PIP5K1C: variants seen among roughly 807,000 people sequenced by gnomAD.
The protein encoded by PIP5K1C is phosphatidylinositol 4-phosphate 5-kinase type-1 gamma.
PIP5K1C carries 45 observed loss-of-function variants against 80.1 expected under a neutral mutation model. That is an observed-to-expected ratio of 0.56 (90% CI 0.44 to 0.72). The LOEUF is 0.72. PIP5K1C is among the 30% of genes least tolerant of loss of function. The pLI is 0.00. For synonymous variants in PIP5K1C, 498 were observed against 420.1 expected (o/e 1.19, Z -2.27); for missense variants, 753 against 954.6 (o/e 0.79, Z 2.78).
chr19:3,640,280 G>A (rs1185847391), intron 15 of PIP5K1C, among the ~76,000 whole-genome samples: 7 of 152,186 alleles, frequency 4.6e-5, no homozygotes, highest in East Asian at 1.9e-4. Context: ...GTGGGAGGCC[G>A]AGGCGGGAGG....
At chr19:3,700,040 G>T (rs1600109836) in intron 1 of PIP5K1C, among the ~76,000 whole-genome samples, 1 of 152,138 alleles carries the variant, frequency 6.6e-6, no homozygotes, top group African/African-American at 2.4e-5. Context: ...GCAGAACGGG[G>T]ATCCCCAGCG....
At chr19:3,689,541 T>C (rs373768485) in intron 1 of PIP5K1C, among the ~76,000 whole-genome samples, 1 of 151,934 alleles carries the variant, frequency 6.6e-6, no homozygotes, top group Non-Finnish European at 1.5e-5. Flanking sequence ...CCCAGCTACT[T>C]GGGAGGCTGA....
Position 3,692,221 on chromosome 19 carries a change from C to T in PIP5K1C, c.94+8076G>A, listed in dbSNP as rs550275635. ...GCTGGGCAACCGAACCCAATCATCT[C>T]AGCTGTCCTCCTGCCAACAGCACAA... On this transcript the variant is annotated intron_variant, in intron 1 of 17. Coordinates refer to ENST00000335312, the MANE Select transcript of PIP5K1C (RefSeq NM_012398.3). The surrounding 1 kb of genome is among the most constrained non-coding windows in gnomAD (Gnocchi z 5.2). 6.0e-4 allele frequency among the ~76,000 whole-genome samples: 91 copies of T among 152,288 alleles called. 1 individual carries two copies. The highest frequency in any genetic ancestry group is 2.1e-3 in the African/African-American group (88 of 41,552).
chr19:3,691,460 T>C (rs1292831963), intron 1 of PIP5K1C, among the ~76,000 whole-genome samples: 1 of 152,024 alleles, frequency 6.6e-6, no homozygotes, highest in African/African-American at 2.4e-5. Context: ...GATCAAACTC[T>C]CACGCGCCAC....
rs913280677 is a variant in PIP5K1C at position 3,638,885 on chromosome 19, A to G, written c.1919T>C (p.Phe640Ser). Reference sequence around the variant, plus strand: ...GCAGGAGGAGCCCGGGGCACTTACAAAGTAGATGTCGGTGGCGGGCGCGTC... The same window carrying G: ...GCAGGAGGAGCCCGGGGCACTTACAGAGTAGATGTCGGTGGCGGGCGCGTC... ...EEDAPATDIY[F>S]PTDERSWVYS... is the part of the protein sequence containing the mutation. Residue 640 changes from phenylalanine (F) to serine (S), a missense_variant and splice_region_variant, in exon 16 of 18, where the codon TTT (phenylalanine) becomes TCT (serine). By Grantham distance (155) the Phe-to-Ser change is radical (BLOSUM62 -2). Transcript: ENST00000335312. 3 of 1,613,128 alleles carry G rather than the reference A, an allele frequency of 1.9e-6. No individual in the cohort carries two copies. Among genetic ancestry groups the G allele is most frequent in the Non-Finnish European group, 2.5e-6 (3 of 1,179,914 alleles).
intron 6 of PIP5K1C, 129 bp from the exon 7 acceptor site, chr19:3,653,718 C>T: frequency 1.2e-6 from 1 of 842,124 alleles, no homozygotes; most frequent in Non-Finnish European, 1.8e-6. Context: ...CCCAGAAGCC[C>T]TCGGGGACCC....
rs548208967 is a variant in PIP5K1C at position 3,656,340 on chromosome 19, C to G, written c.621+65G>C. On this transcript the variant is annotated intron_variant, in intron 6 of 17. Coordinates refer to ENST00000335312, the MANE Select transcript of PIP5K1C (RefSeq NM_012398.3). ...CTTGCCCAAGCCTTGCAGACATCTGCTCCCGCCAGCCGGGAGAAGGGGGTT... is the reference window on the plus strand; with the variant it reads ...CTTGCCCAAGCCTTGCAGACATCTGGTCCCGCCAGCCGGGAGAAGGGGGTT... 1,453 of 1,589,764 alleles carry G rather than the reference C, an allele frequency of 9.1e-4. 3 individuals are homozygous for G. The highest frequency in any genetic ancestry group is 1.1e-3 in the Non-Finnish European group (1,323 of 1,161,114).
chr19:3,663,021 C>T (rs931082959), intron 3 of PIP5K1C, among the ~76,000 whole-genome samples: 4 of 151,798 alleles, frequency 2.6e-5, no homozygotes, highest in East Asian at 1.9e-4. Context: ...CCAGCACACC[C>T]GGCTAATTAT....
Position 3,661,923 on chromosome 19 carries a change from G to A in PIP5K1C, c.298C>T (p.Arg100Cys). 1 of 1,612,750 alleles carries A rather than the reference G, an allele frequency of 6.2e-7. No homozygotes were observed. Among genetic ancestry groups the A allele is most frequent in the Non-Finnish European group, 8.5e-7 (1 of 1,179,918 alleles). ...TVGHLSSKPERDVLMQDFYVV... is the reference protein window; with the variant it reads ...TVGHLSSKPECDVLMQDFYVV... The stretch of plus-strand genomic sequence containing the variant: ...TAGAAGTCCTGCATGAGCACGTCGC[G>A]TTCGGGCTTGGAGCTCAGGTGGCCC... The change falls in exon 4 of 18, where the codon CGC (arginine) becomes TGC (cysteine). Residue 100 changes from arginine (R) to cysteine (C), a missense_variant. Coordinates refer to ENST00000335312, the MANE Select transcript of PIP5K1C (RefSeq NM_012398.3).
At chr19:3,652,175 G>T (rs937225013) in intron 7 of PIP5K1C, 144 bp from the exon 8 acceptor site, 1 of 687,668 alleles carries the variant, frequency 1.5e-6, no homozygotes, top group Non-Finnish European at 2.5e-6. Context: ...GCAGGAGTGG[G>T]GGTTCTAGTG....
At chr19:3,679,341 C>A (rs1215221083) in intron 1 of PIP5K1C, among the ~76,000 whole-genome samples, 1 of 152,184 alleles carries the variant, frequency 6.6e-6, no homozygotes, top group Admixed American at 6.5e-5. Context: ...AGGGGCCTTG[C>A]GCGTGCTGCG....
chr19:3,693,506 G>A (rs955603740), intron 1 of PIP5K1C, among the ~76,000 whole-genome samples: 3 of 152,212 alleles, frequency 2.0e-5, no homozygotes, highest in African/African-American at 7.2e-5. Flanking sequence ...GGCGCCTGCT[G>A]GCAAATCCTT....
chr19:3,676,798 G>A (rs1480774047), intron 1 of PIP5K1C, among the ~76,000 whole-genome samples: 1 of 152,224 alleles, frequency 6.6e-6, no homozygotes, highest in Non-Finnish European at 1.5e-5. Context: ...AGGAGAGAAA[G>A]GGAGACTGCT....
intron 1 of PIP5K1C, among the ~76,000 whole-genome samples, chr19:3,695,668 T>TCCTCA (rs2036080417): frequency 6.6e-6 from 1 of 151,060 alleles, no homozygotes; most frequent in South Asian, 2.1e-4. Context: ...GTCCCCAGTG[T>TCCTCA]CCTCAGCCTC....
Position 3,632,657 on chromosome 19 carries a change from T to C in PIP5K1C, c.*510A>G. 1 of 156,004 alleles carries C rather than the reference T, an allele frequency of 6.4e-6. No individual in the cohort carries two copies. The highest frequency in any genetic ancestry group is 6.4e-5 in the Admixed American group (1 of 15,540). 9.7% of individuals were successfully genotyped at this position (156,004 alleles called of 1,614,324 possible). A position where few individuals can be genotyped will look rare whatever the true frequency, so the allele number is the denominator to read the frequency against. On this transcript the variant is annotated 3_prime_UTR_variant, in exon 18 of 18. Coordinates refer to ENST00000335312, the MANE Select transcript of PIP5K1C (RefSeq NM_012398.3). ...CAAACCCAAGCTGAGGGCAGGAGGG[T>C]CCGCTTCCCACGTGGATGGAGGCAG...
At chr19:3,655,107 C>CAA (rs545856738) in intron 6 of PIP5K1C, among the ~76,000 whole-genome samples, 1,013 of 42,644 alleles carry the variant, frequency 0.024, 69 homozygotes, top group Middle Eastern at 0.056. Context: ...GACTCCATCT[C>CAA]AAAAAAAAAA....
In PIP5K1C at chr19:3,700,284, G is replaced by A. The variant is rs1370317994; in HGVS notation, c.94+13C>T. On this transcript the variant is annotated intron_variant, in intron 1 of 17. Coordinates refer to ENST00000335312, the MANE Select transcript of PIP5K1C (RefSeq NM_012398.3). The stretch of plus-strand genomic sequence containing the variant: ...GCCCAGCGGGCCGCAGCCCCGGGAG[G>A]CCGGGCCGTTACCTGCCGCCGCCCC... 4.3e-5 allele frequency: 54 copies of A among 1,255,466 alleles called. No individual in the cohort carries two copies. In the East Asian group the frequency reaches 2.4e-3, roughly 57 times the overall value. 77.8% of individuals were successfully genotyped at this position (1,255,466 alleles called of 1,614,324 possible).
intron 1 of PIP5K1C, among the ~76,000 whole-genome samples, chr19:3,682,084 G>A (rs754185455): frequency 3.3e-5 from 5 of 152,066 alleles, no homozygotes; most frequent in African/African-American, 7.2e-5. Flanking sequence ...CTTAGAAAAG[G>A]CATCGTGGGC....
At chr19:3,656,236 TGGTGAAGCCTGACGGGGGACCCCCGAG>T (rs1369393287) in intron 6 of PIP5K1C, among the ~76,000 whole-genome samples, 142 bp downstream of exon 6, 1 of 152,150 alleles carries the variant, frequency 6.6e-6, no homozygotes, top group Non-Finnish European at 1.5e-5. Flanking sequence ...ACACTGGTGC[TGGTGAAGCCTGACGGGGGACCCCCGAG>T]GGTGAGTCCC....
Sources: allele counts gnomAD v4.1 joint callset (sites outside exome capture counted in the v4.1 genomes callset), GRCh38; gene constraint gnomAD v4.1.1; non-coding constraint Gnocchi (gnomAD v3.1); transcripts MANE v1.5; gene names NCBI Gene and HGNC (gene_info 2026-07-23, HGNC 2026-07-21).